Variants in CADPS2 observed in about 807,000 individuals in gnomAD.
The protein encoded by CADPS2 is calcium dependent secretion activator 2, also known as calcium-dependent secretion activator 2.
In CADPS2, 93 loss-of-function variants were observed where a neutral mutation model predicts 172.5. The observed-to-expected ratio is 0.54, with a 90% CI of 0.46 to 0.64. The LOEUF is 0.64. Ranked by LOEUF, CADPS2 falls within the 30% of genes least tolerant of loss-of-function variation. The probability of loss-of-function intolerance (pLI) is 0.00; values close to 1 mark genes in which losing one functional copy is unlikely to be tolerated. For missense variants in CADPS2, 1,420 were observed against 1,565.9 expected, an observed-to-expected ratio of 0.91 and a Z score of 1.57; for synonymous variants, 546 against 555.2, an observed-to-expected ratio of 0.98 and a Z score of 0.23.
intron 2 of CADPS2, among the ~76,000 whole-genome samples, chr7:122,719,714 A>G (rs965316664): frequency 1.3e-5 from 2 of 152,162 alleles, no homozygotes; most frequent in Non-Finnish European, 2.9e-5. Context: ...ATGTGATATA[A>G]TAATTTTTAG....
chr7:122,785,334 G>A (rs543781143), intron 1 of CADPS2, among the ~76,000 whole-genome samples: 2 of 152,168 alleles, frequency 1.3e-5, no homozygotes, highest in Non-Finnish European at 2.9e-5. Context: ...GTCATTTTGT[G>A]GAGGCTAAAG....
intron 15 of CADPS2, among the ~76,000 whole-genome samples, chr7:122,444,961 T>C (rs1586108349): frequency 6.6e-6 from 1 of 152,200 alleles, no homozygotes; most frequent in East Asian, 1.9e-4. Context: ...TTGAGGTCAA[T>C]AGTTTGCATT....
In CADPS2 at chr7:122,608,036, G is replaced by A. The variant is rs193085286; in HGVS notation, c.1223+7145C>T. Among the ~76,000 whole-genome samples, 639 of 152,100 alleles carry A rather than the reference G, an allele frequency of 4.2e-3. 2 individuals carry two copies. Among genetic ancestry groups the A allele is most frequent in the African/African-American group, 0.015 (620 of 41,496 alleles). The stretch of plus-strand genomic sequence containing the variant: ...GATCAAGACCATCCTGGCCAACACA[G>A]TGAAACCCTGACTCTACTAAAACTA... On this transcript the variant is annotated intron_variant, in intron 6 of 29. Coordinates refer to ENST00000449022, the MANE Select transcript of CADPS2 (RefSeq NM_017954.11).
At chr7:122,416,674 T>C (rs557129539) in intron 17 of CADPS2, among the ~76,000 whole-genome samples, 3 of 152,298 alleles carry the variant, frequency 2.0e-5, no homozygotes, top group Admixed American at 6.5e-5. Flanking sequence ...CAGCTAGCAA[T>C]TGACTGATTT....
At chr7:122,427,229 C>G (rs1017683308) in intron 17 of CADPS2, 1 of 151,806 alleles carries the variant, frequency 6.6e-6, no homozygotes, top group African/African-American at 2.4e-5. Flanking sequence ...TTTTCCAGAT[C>G]GTGGGGAATC....
At chr7:122,576,572 A>G (rs894883693) in intron 7 of CADPS2, among the ~76,000 whole-genome samples, 2 of 152,102 alleles carry the variant, frequency 1.3e-5, no homozygotes, top group Admixed American at 1.3e-4. Flanking sequence ...ATAAAGTTCT[A>G]TACCTCTTGG....
intron 4 of CADPS2, among the ~76,000 whole-genome samples, chr7:122,623,678 A>T (rs2075813291): frequency 6.6e-6 from 1 of 152,168 alleles, no homozygotes; most frequent in Non-Finnish European, 1.5e-5. Flanking sequence ...CTAGTTTCTC[A>T]TATGCTCTTT....
chr7:122,668,359 C>A (rs1419679244), intron 2 of CADPS2, among the ~76,000 whole-genome samples: 1 of 148,684 alleles, frequency 6.7e-6, no homozygotes, highest in African/African-American at 2.5e-5. Context: ...ATGGAAAATC[C>A]ATTTAGTTTC....
chr7:122,868,238 GA>G (rs1490001246), intron 1 of CADPS2, among the ~76,000 whole-genome samples: 1 of 152,012 alleles, frequency 6.6e-6, no homozygotes, highest in Non-Finnish European at 1.5e-5. Context: ...CCAGACCACA[GA>G]GAACAAAAGT....
intron 1 of CADPS2, among the ~76,000 whole-genome samples, chr7:122,817,799 C>T (rs1440659398): frequency 6.6e-6 from 1 of 151,908 alleles, no homozygotes; most frequent in East Asian, 1.9e-4. Context: ...TATCTCTGCG[C>T]CCCAATCCCT....
intron 12 of CADPS2, 41 bp from the exon 13 acceptor site, chr7:122,474,558 A>G (rs767113654): frequency 1.3e-6 from 2 of 1,583,568 alleles, no homozygotes; most frequent in East Asian, 4.6e-5. Flanking sequence ...TTTACTTTTC[A>G]GGCTTAATGA....
intron 1 of CADPS2, among the ~76,000 whole-genome samples, chr7:122,790,481 A>G (rs941972722): frequency 4.6e-5 from 7 of 151,774 alleles, no homozygotes; most frequent in Non-Finnish European, 1.0e-4. Context: ...CCTATAATCC[A>G]AGAAAATGTT....
At chr7:122,681,569 G>A in intron 2 of CADPS2, 1 of 1,496,100 alleles carries the variant, frequency 6.7e-7, no homozygotes, top group Non-Finnish European at 9.2e-7. Context: ...AAGTAGTCAG[G>A]AATCGATCTC....
intron 17 of CADPS2, among the ~76,000 whole-genome samples, chr7:122,423,854 G>A (rs1175718301): frequency 6.6e-6 from 1 of 152,136 alleles, no homozygotes; most frequent in Admixed American, 6.5e-5. Flanking sequence ...TCATGATGCT[G>A]GTGTAGGGAA....
At chr7:122,665,618 T>G (rs1479548693) in intron 2 of CADPS2, among the ~76,000 whole-genome samples, 1 of 152,212 alleles carries the variant, frequency 6.6e-6, no homozygotes, top group African/African-American at 2.4e-5. Context: ...GATAAAGTGT[T>G]GAACATCTCA....
rs1296605077 is a variant in CADPS2 at position 122,700,886 on chromosome 7, G to A, written c.453+36069C>T. 2.0e-5 allele frequency among the ~76,000 whole-genome samples: 3 copies of A among 151,748 alleles called. No homozygotes were observed. In the East Asian group the frequency reaches 5.8e-4, roughly 29 times the overall value. On this transcript the variant is annotated intron_variant, in intron 2 of 29. Coordinates refer to ENST00000449022, the MANE Select transcript of CADPS2 (RefSeq NM_017954.11). ...CCTAAATGAAGCCTATAATAATTTA[G>A]AACACTTTTCCTTACATATCCAAAG... is the stretch of plus-strand genomic sequence containing the variant.
chr7:122,585,134 C>A (rs1262204060), intron 6 of CADPS2, among the ~76,000 whole-genome samples: 2 of 151,962 alleles, frequency 1.3e-5, no homozygotes, highest in Non-Finnish European at 2.9e-5. Flanking sequence ...CAGATCCTGA[C>A]TGCAGCAGGC....
At chr7:122,520,879 A>G (rs1381245229) in intron 8 of CADPS2, among the ~76,000 whole-genome samples, 8 of 152,296 alleles carry the variant, frequency 5.3e-5, no homozygotes, top group Admixed American at 4.6e-4. Context: ...ATGAAAAATC[A>G]TCACTAATGA....
intron 5 of CADPS2, among the ~76,000 whole-genome samples, chr7:122,616,369 A>G (rs2074923724): frequency 6.6e-6 from 1 of 152,094 alleles, no homozygotes; most frequent in Non-Finnish European, 1.5e-5. Flanking sequence ...TAGAGTCATG[A>G]TAAGAATTTT....
Sources: gnomAD v4.1 joint callset for allele counts (sites outside exome capture counted in the v4.1 genomes callset) on GRCh38, gnomAD v4.1.1 for gene constraint, MANE v1.5 for transcripts, NCBI Gene and HGNC (gene_info 2026-07-23, HGNC 2026-07-21) for gene names.